Variants in CHRND observed in about 807,000 individuals in gnomAD.
The protein encoded by CHRND is acetylcholine receptor subunit delta.
In CHRND, 40 loss-of-function variants were observed where a neutral mutation model predicts 57.8. The ratio of observed to expected loss-of-function variants is 0.69; its 90% CI spans 0.54 to 0.90. The LOEUF (loss-of-function observed/expected upper bound fraction) is 0.90, where lower values mean the gene tolerates loss of function less well. CHRND is among the 40% of genes least tolerant of loss of function. CHRND has a pLI of 0.00. For missense variants in CHRND, 634 were observed against 673.9 expected (o/e 0.94, Z 0.66); for synonymous variants, 237 against 270.6 (o/e 0.88, Z 1.22).
Position 232,535,408 on chromosome 2 carries a change from C to G in CHRND, c.*96C>G. 6.8e-7 allele frequency: 1 copy of G among 1,460,912 alleles called. No individual in the cohort carries two copies. Among genetic ancestry groups the G allele is most frequent in the Admixed American group, 1.7e-5 (1 of 58,022 alleles). The allele number at this position is 1,460,912 out of a possible 1,614,324, so 90.5% of individuals were successfully genotyped here. A position where few individuals can be genotyped will look rare whatever the true frequency, so the allele number is the denominator to read the frequency against. On this transcript the variant is annotated 3_prime_UTR_variant, in exon 12 of 12. Transcript: ENST00000258385. ...TCCTAGCCCTGAGGCTCGTGCCCCT[C>G]AGACTGGGGAAGAGTCCAAGGAAGG...
At position 232,534,118 on chromosome 2, in the gene CHRND, G is replaced by A. The variant is rs1011570439; in HGVS notation, c.1235G>A (p.Arg412Lys). The change falls in exon 10 of 12, where the codon AGG (arginine) becomes AAG (lysine). Residue 412 changes from arginine (R) to lysine (K), a missense_variant. By Grantham distance (26) the Arg-to-Lys change is conservative (BLOSUM62 2). Coordinates refer to ENST00000258385, the MANE Select transcript of CHRND (RefSeq NM_000751.3). ...CAGTCAGAGCGGCATGGGCTGGCCA[G>A]GCGCCTCACCACTGCACGTGGGTCC... The part of the protein sequence containing the change: ...EKQSERHGLA[R>K]RLTTARRPPA... 4.3e-6 allele frequency: 7 copies of A among 1,613,976 alleles called. No individual in the cohort carries two copies. The Admixed American group carries it at 6.7e-5, about 15-fold the overall frequency.
intron 1 of CHRND, 55 bp from the exon 2 acceptor site, chr2:232,526,474 T>C (rs1031222246): frequency 6.2e-6 from 10 of 1,611,832 alleles, no homozygotes; most frequent in Non-Finnish European, 8.5e-6. Context: ...GGCAGCTTCC[T>C]TCCTGAGTCC....
intron 9 of CHRND, 42 bp downstream of exon 9, chr2:232,531,698 T>C (rs375757964): frequency 1.3e-6 from 2 of 1,546,614 alleles, no homozygotes; most frequent in African/African-American, 1.4e-5. Flanking sequence ...ACTGTAATCC[T>C]GGCATTTCAG....
Position 232,536,331 on chromosome 2 carries a change from G to T in CHRND, c.*1019G>T. The T allele has an allele frequency of 2.2e-6, 1 of 454,132 alleles. No individual in the cohort carries two copies. The highest frequency in any genetic ancestry group is 4.4e-6 in the Non-Finnish European group (1 of 226,798). 28.1% of individuals were successfully genotyped at this position (454,132 alleles called of 1,614,324 possible). A position where few individuals can be genotyped will look rare whatever the true frequency, so the allele number is the denominator to read the frequency against. On this transcript the variant is annotated 3_prime_UTR_variant, in exon 12 of 12. Transcript: ENST00000258385. ...GATGGTACCTCACTTCCCAGATTTG[G>T]TTAGGAAAGACACTATGGCCTCTTT...
intron 9 of CHRND, among the ~76,000 whole-genome samples, chr2:232,532,405 T>C (rs1691736232): frequency 7.1e-6 from 1 of 141,738 alleles, no homozygotes; most frequent in Admixed American, 7.2e-5. Context: ...GAGGTGGAGG[T>C]TGCAGTGAGC....
In CHRND at chr2:232,527,438, T is replaced by A. The variant is rs121909509; in HGVS notation, c.236T>A (p.Ile79Lys). The A allele has an allele frequency of 5.0e-6, 8 of 1,613,168 alleles. No homozygotes were observed. The highest frequency in any genetic ancestry group is 5.1e-6 in the Non-Finnish European group (6 of 1,179,458). Residue 79 changes from isoleucine (I) to lysine (K), a missense_variant, in exon 3 of 12, where the codon ATA becomes AAA. Transcript: ENST00000258385. The stretch of plus-strand genomic sequence containing the variant: ...GAGACCCTCACTACCAATGTGTGGA[T>A]AGAGCACGTAAGAATGCCCCTCCCA... ...VEETLTTNVW[I>K]EHGWTDNRLK...
chr2:232,534,285 TG>T lies in CHRND; in HGVS notation c.1315del (p.Val439TrpfsTer11). ...QELFNELKPA[V>X]DGANFIVNHM... Reference sequence around the variant, plus strand: ...AACTCTTCAATGAGCTGAAGCCAGCTGTGGATGGGGCAAACTTCATTGTTAA... The same window carrying T: ...AACTCTTCAATGAGCTGAAGCCAGCTTGGATGGGGCAAACTTCATTGTTAA... On this transcript the variant is annotated frameshift_variant, in exon 11 of 12. Coordinates refer to ENST00000258385, the MANE Select transcript of CHRND (RefSeq NM_000751.3). LOFTEE classifies it high-confidence loss of function. 2.2e-5 allele frequency: 36 copies of T among 1,614,216 alleles called. No homozygotes were observed. Among genetic ancestry groups the T allele is most frequent in the Non-Finnish European group, 3.1e-5 (36 of 1,180,036 alleles).
intron 7 of CHRND, among the ~76,000 whole-genome samples, chr2:232,530,746 T>C (rs1476731285): frequency 6.6e-6 from 1 of 151,824 alleles, no homozygotes; most frequent in Non-Finnish European, 1.5e-5. Context: ...TTGAGCAGGA[T>C]TGGGTGGGGC....
intron 9 of CHRND, among the ~76,000 whole-genome samples, chr2:232,532,285 T>C (rs1220356268): frequency 1.3e-5 from 2 of 151,734 alleles, no homozygotes; most frequent in Non-Finnish European, 2.9e-5. Context: ...CTGGCCAACA[T>C]GGTGAAACTC....
intron 1 of CHRND, 31 bp downstream of exon 1, chr2:232,526,298 T>C (rs764285104): frequency 2.5e-4 from 405 of 1,604,498 alleles, no homozygotes; most frequent in Admixed American, 1.2e-3. Flanking sequence ...CACCCTGGGG[T>C]CCCCCGTGAT....
intron 3 of CHRND, 103 bp from the exon 4 acceptor site, chr2:232,528,159 T>C: frequency 9.1e-7 from 1 of 1,102,924 alleles, no homozygotes; most frequent in African/African-American, 1.5e-5. Context: ...ACCTCTTTTG[T>C]CACAGCTCTC....
At position 232,527,480 on chromosome 2, in the gene CHRND, C is replaced by T. The variant is rs776711881; in HGVS notation, c.243+35C>T. 7.7e-6 allele frequency: 12 copies of T among 1,567,078 alleles called. No individual in the cohort carries two copies. The South Asian group carries it at 7.8e-5, about 10-fold the overall frequency. On this transcript the variant is annotated intron_variant, in intron 3 of 11. Transcript: ENST00000258385. ...CCCCTCCCAGCCGGGCGCAGTGGCT[C>T]ATGCCTGTAATCCCAGCACTTTGGA...
intron 5 of CHRND, 97 bp from the exon 6 acceptor site, chr2:232,528,765 C>A: frequency 6.3e-7 from 1 of 1,580,134 alleles, no homozygotes; most frequent in Non-Finnish European, 8.7e-7. Flanking sequence ...TGGATTAGTG[C>A]TGCCCTCCCC....
intron 6 of CHRND, among the ~76,000 whole-genome samples, 187 bp from the exon 7 acceptor site, chr2:232,529,752 T>G (rs1244957504): frequency 6.6e-6 from 1 of 152,110 alleles, no homozygotes; most frequent in Non-Finnish European, 1.5e-5. Flanking sequence ...CAGAGGAAGA[T>G]TTCCCCTCAC....
intron 9 of CHRND, among the ~76,000 whole-genome samples, chr2:232,533,598 T>C (rs1217535750): frequency 6.6e-6 from 1 of 152,114 alleles, no homozygotes; most frequent in Non-Finnish European, 1.5e-5. Context: ...AATGGCCTTT[T>C]TGGCCAGACA....
rs199592458 is a variant in CHRND, at chr2:232,531,533, T to C, written c.933-9T>C. 5.0e-5 allele frequency: 81 copies of C among 1,614,072 alleles called. No individual in the cohort carries two copies. In the African/African-American group the frequency reaches 1.0e-3, roughly 21 times the overall value. ...CCCTGGGAGCTCCAAGCTGAGTGTT[T>C]GCCCACAGGTTCCTGCTCTTCGGCA... On this transcript the variant is annotated splice_polypyrimidine_tract_variant and intron_variant, in intron 8 of 11. Coordinates refer to ENST00000258385, the MANE Select transcript of CHRND (RefSeq NM_000751.3).
rs374813887 is a variant in CHRND at position 232,530,179 on chromosome 2, G to A, written c.820+40G>A. On this transcript the variant is annotated intron_variant, in intron 7 of 11. Coordinates refer to ENST00000258385, the MANE Select transcript of CHRND (RefSeq NM_000751.3). ...CCCGTCCCCTGCTCCCCCTCCCCAA[G>A]CCCACCTGAGCACAGCCAGCCCCAG... The A allele has an allele frequency of 1.5e-4, 245 of 1,590,702 alleles. 1 individual carries two copies. In the Middle Eastern group the frequency reaches 2.2e-3, roughly 14 times the overall value.
At position 232,531,465 on chromosome 2, in the gene CHRND, T is replaced by A. The variant is rs748559696; in HGVS notation, c.932+2T>A. 2 of 1,613,712 alleles carry A rather than the reference T, an allele frequency of 1.2e-6. No individual in the cohort carries two copies. The highest frequency in any genetic ancestry group is 1.6e-4 in the Middle Eastern group (1 of 6,062). ...CATGGCCATCCCCCTTATCGGCAAGTGAGTGACGCTCAAGCCCGGCCTCAC... is the reference window on the plus strand; with the variant it reads ...CATGGCCATCCCCCTTATCGGCAAGAGAGTGACGCTCAAGCCCGGCCTCAC... On this transcript the variant is annotated splice_donor_variant, in intron 8 of 11. Coordinates refer to ENST00000258385, the MANE Select transcript of CHRND (RefSeq NM_000751.3). LOFTEE classifies it high-confidence loss of function.
intron 6 of CHRND, among the ~76,000 whole-genome samples, chr2:232,529,387 C>T (rs926869860): frequency 9.9e-5 from 15 of 152,162 alleles, no homozygotes; most frequent in Admixed American, 7.9e-4. Flanking sequence ...TCCTCATCCC[C>T]GATCTGTACC....
Sources: gnomAD v4.1 joint callset for allele counts (sites outside exome capture counted in the v4.1 genomes callset) on GRCh38, gnomAD v4.1.1 for gene constraint, MANE v1.5 for transcripts, NCBI Gene and HGNC (gene_info 2026-07-23, HGNC 2026-07-21) for gene names.